Variants in TAFA4 observed in about 807,000 individuals in gnomAD.
TAFA4 encodes TAFA chemokine like family member 4.
In TAFA4, 20 loss-of-function variants were observed where a neutral mutation model predicts 21.1. The observed-to-expected ratio is 0.95, with a 90% confidence interval of 0.67 to 1.38. The LOEUF is 1.38. Among genes scored for constraint, TAFA4 ranks in the 40% most tolerant of loss-of-function variants. The probability of loss-of-function intolerance (pLI) is 0.00; values close to 1 mark genes in which losing one functional copy is unlikely to be tolerated. For missense variants in TAFA4, 211 were observed against 180.9 expected (o/e 1.17, Z -0.95); for synonymous variants, 71 against 67.4 (o/e 1.05, Z -0.26).
intron 3 of TAFA4, among the ~76,000 whole-genome samples, chr3:68,813,826 A>C (rs2106849735): frequency 6.6e-6 from 1 of 152,294 alleles, no homozygotes; most frequent in East Asian, 1.9e-4. Flanking sequence ...TGAGGACAGC[A>C]TCATCCTGAT....
rs78151818 is a variant in TAFA4 at position 68,848,649 on chromosome 3, C to A, written c.130+32081G>T. 4.0e-3 allele frequency among the ~76,000 whole-genome samples: 609 copies of A among 152,272 alleles called. 5 individuals are homozygous for A. Among genetic ancestry groups the A allele is most frequent in the African/African-American group, 0.014 (589 of 41,540 alleles). On this transcript the variant is annotated intron_variant, in intron 3 of 5. Transcript: ENST00000295569. ...ATATCATTACTTTCTTCCCAGTAGT[C>A]CCCATGCCCTTTTAACTTTCCCCAC...
intron 1 of TAFA4, among the ~76,000 whole-genome samples, chr3:68,887,968 A>G (rs1362328185): frequency 1.3e-5 from 2 of 152,108 alleles, no homozygotes; most frequent in Non-Finnish European, 2.9e-5. Context: ...TTTATTCTTC[A>G]CATGGCCAGG....
chr3:68,846,531 C>T (rs1322445326), intron 3 of TAFA4, among the ~76,000 whole-genome samples: 2 of 152,096 alleles, frequency 1.3e-5, no homozygotes, highest in African/African-American at 4.8e-5. Flanking sequence ...ACTCGTCAAA[C>T]TCATTCTCCA....
At position 68,885,846 on chromosome 3, in the gene TAFA4, A is replaced by G. The variant is rs563878878; in HGVS notation, c.-122-536T>C. Among the ~76,000 whole-genome samples the G allele has an allele frequency of 7.9e-5, 12 of 152,302 alleles. No individual in the cohort carries two copies. In the South Asian group the frequency reaches 2.5e-3, roughly 32 times the overall value. On this transcript the variant is annotated intron_variant, in intron 1 of 5. Coordinates refer to ENST00000295569, the MANE Select transcript of TAFA4 (RefSeq NM_182522.5). ...AGAAAAAGTGTTTCCAATATAATCC[A>G]CCATACCAAAATATAAAGAACACTT...
At chr3:68,817,792 G>A (rs1313849614) in intron 3 of TAFA4, among the ~76,000 whole-genome samples, 1 of 152,028 alleles carries the variant, frequency 6.6e-6, no homozygotes, top group Non-Finnish European at 1.5e-5. Context: ...TCTCAACAAT[G>A]GGCTTAAAAT....
intron 1 of TAFA4, among the ~76,000 whole-genome samples, chr3:68,889,508 G>C: frequency 6.6e-6 from 1 of 152,124 alleles, no homozygotes. Context: ...TCAGAATACA[G>C]TCATTCACTT....
chr3:68,734,627 C>T (rs1702206919), intron 5 of TAFA4, among the ~76,000 whole-genome samples: 1 of 152,150 alleles, frequency 6.6e-6, no homozygotes, highest in Non-Finnish European at 1.5e-5. Flanking sequence ...ATTCCAAGAT[C>T]TTTGGCTTGA....
chr3:68,746,076 C>T (rs1702451498), intron 4 of TAFA4, among the ~76,000 whole-genome samples: 1 of 152,158 alleles, frequency 6.6e-6, no homozygotes, highest in Non-Finnish European at 1.5e-5. Flanking sequence ...CTGGATGCTT[C>T]CTGCCCTCAA....
At chr3:68,795,192 T>A (rs1703432469) in intron 3 of TAFA4, among the ~76,000 whole-genome samples, 1 of 151,488 alleles carries the variant, frequency 6.6e-6, no homozygotes, top group South Asian at 2.1e-4. Context: ...GAGGTGAAGA[T>A]CTTAGCTAGG....
chr3:68,913,560 T>G (rs2089979287), intron 1 of TAFA4: 1 of 152,236 alleles, frequency 6.6e-6, no homozygotes, highest in African/African-American at 2.4e-5. Context: ...GTGTTTTATT[T>G]AGCAGAATGG....
chr3:68,805,905 C>T (rs144191303), intron 3 of TAFA4, among the ~76,000 whole-genome samples: 3,473 of 151,578 alleles, frequency 0.023, 132 homozygotes, highest in African/African-American at 0.08. Flanking sequence ...TGTATACATA[C>T]GTAACAAACC....
chr3:68,850,906 T>A (rs1704930216), intron 3 of TAFA4, among the ~76,000 whole-genome samples: 1 of 152,186 alleles, frequency 6.6e-6, no homozygotes. Context: ...ATTTGTCAAT[T>A]TTTGCTTTTG....
At chr3:68,918,973 G>A (rs1484259832) in intron 1 of TAFA4, among the ~76,000 whole-genome samples, 1 of 152,126 alleles carries the variant, frequency 6.6e-6, no homozygotes, top group African/African-American at 2.4e-5. Flanking sequence ...TATACCAAGA[G>A]TAAACCTTCA....
chr3:68,864,289 A>G (rs1297388888), intron 3 of TAFA4, among the ~76,000 whole-genome samples: 1 of 152,174 alleles, frequency 6.6e-6, no homozygotes, highest in Non-Finnish European at 1.5e-5. Flanking sequence ...AAAGTGGCCA[A>G]ATAATTTGAA....
intron 3 of TAFA4, among the ~76,000 whole-genome samples, chr3:68,756,156 G>T (rs999534416): frequency 1.3e-5 from 2 of 152,186 alleles, no homozygotes; most frequent in Non-Finnish European, 2.9e-5. Context: ...GATTGTTTTA[G>T]GTTTCCAAGA....
intron 1 of TAFA4, among the ~76,000 whole-genome samples, chr3:68,903,647 G>C (rs1440406736): frequency 6.6e-6 from 1 of 152,100 alleles, no homozygotes; most frequent in African/African-American, 2.4e-5. Flanking sequence ...TTTAATGTGG[G>C]TTTTTTAAAC....
At chr3:68,879,455 C>T (rs1002470146) in intron 3 of TAFA4, among the ~76,000 whole-genome samples, 8 of 152,138 alleles carry the variant, frequency 5.3e-5, no homozygotes, top group Non-Finnish European at 1.5e-5. Flanking sequence ...AAATGCTTCA[C>T]TTGTCAACTA....
At chr3:68,826,260 C>A (rs1290981025) in intron 3 of TAFA4, among the ~76,000 whole-genome samples, 1 of 152,106 alleles carries the variant, frequency 6.6e-6, no homozygotes, top group Non-Finnish European at 1.5e-5. Flanking sequence ...ATTTCTCATG[C>A]ATAAAAAGGG....
At chr3:68,879,866 T>G (rs2089595671) in intron 3 of TAFA4, among the ~76,000 whole-genome samples, 1 of 152,136 alleles carries the variant, frequency 6.6e-6, no homozygotes, top group Non-Finnish European at 1.5e-5. Context: ...GATTTAGGGT[T>G]CAGGCATCAC....
Sources: allele counts gnomAD v4.1 joint callset (sites outside exome capture counted in the v4.1 genomes callset), GRCh38; gene constraint gnomAD v4.1.1; transcripts MANE v1.5; gene names NCBI Gene and HGNC (gene_info 2026-07-23, HGNC 2026-07-21).